THSD7A: variants seen among roughly 807,000 people sequenced by gnomAD.
The protein encoded by THSD7A is thrombospondin type 1 domain containing 7A, also known as thrombospondin type-1 domain-containing protein 7A.
THSD7A carries 96 observed loss-of-function variants against 231.3 expected under a neutral mutation model. That is an observed-to-expected ratio of 0.41 (90% CI 0.35 to 0.49). The LOEUF is 0.49. Among genes scored for constraint, THSD7A ranks in the 20% least tolerant of loss-of-function variants. The pLI is 0.05. For missense variants in THSD7A, 2,290 were observed against 2,070.2 expected (o/e 1.11, Z -2.06); for synonymous variants, 940 against 743.3 (o/e 1.26, Z -4.30).
chr7:11,570,202 A>G (rs1790563175), intron 4 of THSD7A, among the ~76,000 whole-genome samples: 1 of 152,118 alleles, frequency 6.6e-6, no homozygotes, highest in Admixed American at 6.5e-5. Flanking sequence ...AAAGAAAAGA[A>G]AAAAGAAACT....
At position 11,411,433 on chromosome 7, in the gene THSD7A, C is replaced by G; in HGVS notation, c.3683-111G>C. On this transcript the variant is annotated intron_variant, in intron 18 of 27. Coordinates refer to ENST00000423059, the MANE Select transcript of THSD7A (RefSeq NM_015204.3). This position sits in a 1 kb window ranked among gnomAD's most constrained non-coding sequence, Gnocchi z 4.1. The stretch of plus-strand genomic sequence containing the variant: ...TAATTCACAACTGCTTCCTAAGCCC[C>G]ATAATCAATCATCCCCCATGCAGAG... 1 of 692,480 alleles carries G rather than the reference C, an allele frequency of 1.4e-6. No homozygotes were observed. The highest frequency in any genetic ancestry group is 2.5e-6 in the Non-Finnish European group (1 of 406,754). 42.9% of individuals were successfully genotyped at this position (692,480 alleles called of 1,614,324 possible).
At chr7:11,483,275 A>C (rs1786504564) in intron 6 of THSD7A, among the ~76,000 whole-genome samples, 1 of 152,206 alleles carries the variant, frequency 6.6e-6, no homozygotes. Flanking sequence ...CAAATGCTCT[A>C]ATATGTTAAT....
At chr7:11,712,534 G>C (rs1781001258) in intron 1 of THSD7A, among the ~76,000 whole-genome samples, 1 of 150,958 alleles carries the variant, frequency 6.6e-6, no homozygotes, top group Admixed American at 6.6e-5. Flanking sequence ...CTTGGCACTA[G>C]ACTTTAAATA....
intron 1 of THSD7A, among the ~76,000 whole-genome samples, chr7:11,786,511 A>G (rs1193033866): frequency 6.6e-6 from 1 of 152,060 alleles, no homozygotes; most frequent in Non-Finnish European, 1.5e-5. Context: ...TAATGCTACA[A>G]AAGGTATGAA....
intron 1 of THSD7A, among the ~76,000 whole-genome samples, chr7:11,646,934 A>G (rs1328618642): frequency 6.6e-6 from 1 of 152,074 alleles, no homozygotes; most frequent in Non-Finnish European, 1.5e-5. Flanking sequence ...CAGTGCAAGC[A>G]TATGTAATAA....
chr7:11,706,348 T>G (rs1780765070), intron 1 of THSD7A, among the ~76,000 whole-genome samples: 1 of 150,890 alleles, frequency 6.6e-6, no homozygotes, highest in African/African-American at 2.4e-5. Flanking sequence ...CAAATGACTA[T>G]GTCAAGGAAA....
chr7:11,500,426 G>C (rs1291784699), intron 6 of THSD7A, among the ~76,000 whole-genome samples: 2 of 152,024 alleles, frequency 1.3e-5, no homozygotes, highest in Non-Finnish European at 2.9e-5. Flanking sequence ...ACAATAACCA[G>C]CTAACAGCAC....
chr7:11,400,473 C>G, intron 23 of THSD7A, among the ~76,000 whole-genome samples: 1 of 146,560 alleles, frequency 6.8e-6, no homozygotes, highest in East Asian at 2.0e-4. Flanking sequence ...TGATTTTACT[C>G]TCTAAGGTGT....
chr7:11,504,513 G>A (rs548346434), intron 6 of THSD7A, among the ~76,000 whole-genome samples: 3 of 152,108 alleles, frequency 2.0e-5, no homozygotes, highest in East Asian at 1.9e-4. Context: ...ATAACTGTCC[G>A]CTATTATTCC....
intron 6 of THSD7A, among the ~76,000 whole-genome samples, chr7:11,530,995 A>G (rs1788686728): frequency 1.3e-5 from 2 of 152,186 alleles, no homozygotes; most frequent in Non-Finnish European, 2.9e-5. Flanking sequence ...TGGGTGACAG[A>G]CCAAGACTCT....
In THSD7A at chr7:11,474,258, T is replaced by C. The variant is rs1786053672; in HGVS notation, c.2252+76A>G. The C allele has an allele frequency of 5.7e-6, 7 of 1,224,982 alleles. No individual in the cohort carries two copies. Among genetic ancestry groups the C allele is most frequent in the Non-Finnish European group, 8.0e-6 (7 of 873,128 alleles). The allele number at this position is 1,224,982 out of a possible 1,614,324, so 75.9% of individuals were successfully genotyped here. ...ACAAGCATCAAAATGTTCCATTTCA[T>C]GAAGCCAGTGAAGCCTGAGCCAATC... On this transcript the variant is annotated intron_variant, in intron 8 of 27. Transcript: ENST00000423059. This position sits in a 1 kb window ranked among gnomAD's most constrained non-coding sequence, Gnocchi z 4.1.
At chr7:11,529,897 A>C (rs1468295882) in intron 6 of THSD7A, among the ~76,000 whole-genome samples, 2 of 152,196 alleles carry the variant, frequency 1.3e-5, no homozygotes, top group Non-Finnish European at 2.9e-5. Context: ...TAAAAGTAAC[A>C]ACAAACACTT....
rs1236972666 is a variant in THSD7A, at chr7:11,406,978, A to C, written c.3994T>G (p.Ser1332Ala). The C allele has an allele frequency of 6.2e-7, 1 of 1,613,836 alleles. No individual in the cohort carries two copies. The highest frequency in any genetic ancestry group is 1.7e-5 in the Admixed American group (1 of 59,984). The part of the protein sequence containing the change: ...GRPCPSLMDQ[S>A]KPCPVKPCYR... Reference sequence around the variant, plus strand: ...CAAGGCTTCACTGGGCAGGGTTTGGACTGGTCCATCAGGGAAGGGCATGGT... The same window carrying C: ...CAAGGCTTCACTGGGCAGGGTTTGGCCTGGTCCATCAGGGAAGGGCATGGT... The change falls in exon 21 of 28, where the codon TCC becomes GCC. Residue 1332 changes from serine (S) to alanine (A), a missense_variant. Coordinates refer to ENST00000423059, the MANE Select transcript of THSD7A (RefSeq NM_015204.3). This position sits in a 1 kb window ranked among gnomAD's most constrained non-coding sequence, Gnocchi z 4.7.
chr7:11,407,475 C>T, intron 19 of THSD7A, 52 bp from the exon 20 acceptor site: 3 of 1,353,678 alleles, frequency 2.2e-6, no homozygotes, highest in South Asian at 2.5e-5. Context: ...GGGGAGGGAG[C>T]CAGAGAATGA....
chr7:11,620,531 T>G (rs2128353052), intron 2 of THSD7A, among the ~76,000 whole-genome samples: 1 of 152,242 alleles, frequency 6.6e-6, no homozygotes, highest in South Asian at 2.1e-4. Context: ...ATGGGTATGG[T>G]TTCACAGGCT....
intron 13 of THSD7A, 118 bp from the exon 14 acceptor site, chr7:11,429,243 C>T (rs977105888): frequency 2.2e-6 from 2 of 928,330 alleles, no homozygotes; most frequent in Admixed American, 3.2e-5. Context: ...CATGCAAATG[C>T]AGAGGTGTCT....
In THSD7A at chr7:11,773,971, C is replaced by T. The variant is rs4403315; in HGVS notation, c.190+57786G>A. On this transcript the variant is annotated intron_variant, in intron 1 of 27. Coordinates refer to ENST00000423059, the MANE Select transcript of THSD7A (RefSeq NM_015204.3). ...TAAATGGCCAGAAGTTATAAATAACCCAAGTTTACCTAATAATAATCGGGA... is the reference window on the plus strand; with the variant it reads ...TAAATGGCCAGAAGTTATAAATAACTCAAGTTTACCTAATAATAATCGGGA... Among the ~76,000 whole-genome samples the T allele has an allele frequency of 2.0e-5, 3 of 151,872 alleles. No individual in the cohort carries two copies. The East Asian group carries it at 5.8e-4, about 29-fold the overall frequency.
intron 13 of THSD7A, among the ~76,000 whole-genome samples, chr7:11,435,462 C>T (rs963590711): frequency 1.3e-5 from 2 of 152,072 alleles, no homozygotes; most frequent in African/African-American, 4.8e-5. Context: ...ATCTGACCAC[C>T]TTTAAGACGA....
intron 1 of THSD7A, among the ~76,000 whole-genome samples, chr7:11,769,882 T>C (rs1003495194): frequency 6.6e-6 from 1 of 152,184 alleles, no homozygotes; most frequent in African/African-American, 2.4e-5. Flanking sequence ...ATTTCAAGTA[T>C]CTTGAAAATT....
Sources: allele counts gnomAD v4.1 joint callset (sites outside exome capture counted in the v4.1 genomes callset), GRCh38; gene constraint gnomAD v4.1.1; non-coding constraint Gnocchi (gnomAD v3.1); transcripts MANE v1.5; gene names NCBI Gene and HGNC (gene_info 2026-07-23, HGNC 2026-07-21).